CAMK2D: variants seen among roughly 807,000 people sequenced by gnomAD.
CAMK2D encodes the protein calcium/calmodulin dependent protein kinase II delta, also known as calcium/calmodulin-dependent protein kinase type II subunit delta.
CAMK2D carries 37 observed loss-of-function variants against 84.0 expected under a neutral mutation model. The observed-to-expected ratio is 0.44, with a 90% CI of 0.34 to 0.58. The LOEUF (loss-of-function observed/expected upper bound fraction) is 0.58. Ranked by LOEUF, CAMK2D falls within the 20% of genes least tolerant of loss-of-function variation. The pLI is 0.02. For missense variants in CAMK2D, 448 were observed against 652.5 expected, an observed-to-expected ratio of 0.69 and a Z score of 3.41; for synonymous variants, 202 against 212.5, an observed-to-expected ratio of 0.95 and a Z score of 0.43.
intron 5 of CAMK2D, among the ~76,000 whole-genome samples, chr4:113,550,466 T>A (rs944806474): frequency 2.0e-5 from 3 of 152,178 alleles, no homozygotes; most frequent in African/African-American, 7.2e-5. Context: ...GGCCACCACA[T>A]CTGACTGAGA....
intron 5 of CAMK2D, among the ~76,000 whole-genome samples, chr4:113,550,463 A>G (rs1018993216): frequency 6.6e-6 from 1 of 152,216 alleles, no homozygotes; most frequent in Admixed American, 6.5e-5. Flanking sequence ...GTGGGCCACC[A>G]CATCTGACTG....
At chr4:113,548,591 C>T in intron 5 of CAMK2D, 1 of 777,468 alleles carries the variant, frequency 1.3e-6, no homozygotes, top group East Asian at 2.6e-5. Context: ...TACCCACCCT[C>T]TGCCCTTTCC....
At chr4:113,608,748 A>T (rs2098987691) in intron 4 of CAMK2D, among the ~76,000 whole-genome samples, 1 of 152,170 alleles carries the variant, frequency 6.6e-6, no homozygotes, top group Non-Finnish European at 1.5e-5. Context: ...TGATTAGTTT[A>T]AATCAATTTT....
At chr4:113,456,527 C>T (rs1018669371) in intron 19 of CAMK2D, 1 of 151,902 alleles carries the variant, frequency 6.6e-6, no homozygotes, top group African/African-American at 2.4e-5. Context: ...TCCTCCTTTG[C>T]TTTTTCAGTC....
At chr4:113,459,016 T>G (rs1408491671) in intron 18 of CAMK2D, among the ~76,000 whole-genome samples, 2 of 152,214 alleles carry the variant, frequency 1.3e-5, no homozygotes, top group Non-Finnish European at 2.9e-5. Flanking sequence ...TGAACTTCTT[T>G]TGTCACCTTC....
At chr4:113,464,219 T>G (rs1300747382) in intron 17 of CAMK2D, among the ~76,000 whole-genome samples, 1 of 152,226 alleles carries the variant, frequency 6.6e-6, no homozygotes, top group East Asian at 1.9e-4. Context: ...TTGTGTATAC[T>G]TAATTAGTAA....
intron 3 of CAMK2D, among the ~76,000 whole-genome samples, chr4:113,647,148 T>C (rs2099155298): frequency 6.6e-6 from 1 of 152,214 alleles, no homozygotes; most frequent in Admixed American, 6.5e-5. Context: ...TTTAAATAGC[T>C]TTCATTACCT....
chr4:113,457,139 G>A, intron 19 of CAMK2D, 196 bp downstream of exon 19: 1 of 1,400,932 alleles, frequency 7.1e-7, no homozygotes. Flanking sequence ...TCTATAGCAA[G>A]TTTCAACCCA....
chr4:113,654,594 T>C (rs1398132637), intron 3 of CAMK2D, among the ~76,000 whole-genome samples: 1 of 152,014 alleles, frequency 6.6e-6, no homozygotes, highest in East Asian at 1.9e-4. Context: ...CTCAAAACTC[T>C]CCTCAAAAGG....
chr4:113,606,351 T>G (rs915735609), intron 4 of CAMK2D, among the ~76,000 whole-genome samples: 1 of 151,826 alleles, frequency 6.6e-6, no homozygotes. Flanking sequence ...GCGCCTGTAA[T>G]CCCAGCTACT....
intron 18 of CAMK2D, among the ~76,000 whole-genome samples, chr4:113,458,511 T>C (rs1027119994): frequency 6.6e-6 from 1 of 152,208 alleles, no homozygotes; most frequent in African/African-American, 2.4e-5. Context: ...ACATGATATA[T>C]AGTGTTATAC....
At chr4:113,492,064 C>G (rs1477788089) in intron 16 of CAMK2D, among the ~76,000 whole-genome samples, 1 of 151,994 alleles carries the variant, frequency 6.6e-6, no homozygotes, top group Admixed American at 6.6e-5. Flanking sequence ...AGCGGTCTAT[C>G]AATTTTGTTG....
At chr4:113,493,593 A>G (rs1242027207) in intron 16 of CAMK2D, among the ~76,000 whole-genome samples, 2 of 151,202 alleles carry the variant, frequency 1.3e-5, no homozygotes, top group African/African-American at 4.9e-5. Context: ...CTTCATTTCA[A>G]CTTTGGTGAA....
intron 2 of CAMK2D, chr4:113,753,926 A>C: frequency 3.0e-6 from 3 of 983,676 alleles, no homozygotes; most frequent in Non-Finnish European, 3.6e-6. Context: ...AGCCCATAGT[A>C]CTTTATTCAT....
chr4:113,675,354 C>T (rs896710534), intron 2 of CAMK2D, among the ~76,000 whole-genome samples: 40 of 152,186 alleles, frequency 2.6e-4, no homozygotes, highest in African/African-American at 9.4e-4. Flanking sequence ...AAAATCATAA[C>T]TTACATACTT....
chr4:113,522,429 C>G (rs1076214), intron 8 of CAMK2D, among the ~76,000 whole-genome samples: 9,357 of 152,040 alleles, frequency 0.062, 596 homozygotes, highest in East Asian at 0.21. Context: ...TCATACATTT[C>G]AAGTAGAGAA....
chr4:113,543,216 A>AT (rs1412238206), intron 6 of CAMK2D, among the ~76,000 whole-genome samples: 1 of 152,218 alleles, frequency 6.6e-6, no homozygotes, highest in Admixed American at 6.5e-5. Flanking sequence ...ATGAGAAAAT[A>AT]TATCTGATCT....
At chr4:113,586,900 A>G (rs1031778022) in intron 4 of CAMK2D, among the ~76,000 whole-genome samples, 2 of 152,188 alleles carry the variant, frequency 1.3e-5, no homozygotes, top group East Asian at 3.8e-4. Flanking sequence ...AAGGGATACA[A>G]AAAACAGTTT....
At chr4:113,663,434 C>T (rs1427894991) in intron 2 of CAMK2D, among the ~76,000 whole-genome samples, 1 of 151,764 alleles carries the variant, frequency 6.6e-6, no homozygotes, top group African/African-American at 2.4e-5. Flanking sequence ...AAAAAAAACA[C>T]AAAAATTAGC....
Sources: allele counts gnomAD v4.1 joint callset (sites outside exome capture counted in the v4.1 genomes callset), GRCh38; gene constraint gnomAD v4.1.1; transcripts MANE v1.5; gene names NCBI Gene and HGNC (gene_info 2026-07-23, HGNC 2026-07-21).